The following ABCA12 variants were observed in gnomAD, a reference collection of about 807,000 sequenced individuals.
The protein encoded by ABCA12 is ATP binding cassette subfamily A member 12.
A neutral mutation model predicts 293.5 loss-of-function variants in ABCA12; 156 were observed. The observed-to-expected ratio is 0.53, with a 90% CI of 0.47 to 0.61. ABCA12 has a LOEUF of 0.61. Among genes scored for constraint, ABCA12 ranks in the 20% least tolerant of loss-of-function variants. ABCA12 has a pLI of 0.00. For missense variants in ABCA12, 2,797 were observed against 3,090.2 expected, an observed-to-expected ratio of 0.91 and a Z score of 2.25; for synonymous variants, 1,063 against 1,108.0, an observed-to-expected ratio of 0.96 and a Z score of 0.81.
chr2:215,052,720 T>C, intron 4 of ABCA12, 136 bp from the exon 5 acceptor site: 1 of 770,480 alleles, frequency 1.3e-6, no homozygotes, highest in South Asian at 1.5e-5. Flanking sequence ...GCCTCTTCCA[T>C]GGAAGTTTTA....
chr2:214,996,729 C>A (rs1268393129), intron 23 of ABCA12, among the ~76,000 whole-genome samples: 2 of 152,142 alleles, frequency 1.3e-5, no homozygotes, highest in African/African-American at 2.4e-5. Flanking sequence ...ACCCTGAAAG[C>A]CTGATGCTGA....
chr2:215,076,488 A>G (rs113930296), intron 2 of ABCA12, among the ~76,000 whole-genome samples: 5,710 of 152,286 alleles, frequency 0.037, 178 homozygotes, highest in Non-Finnish European at 0.058. Context: ...TTTTACATCT[A>G]TCAGATTGGC....
chr2:215,031,408 G>A (rs966195207), intron 9 of ABCA12, among the ~76,000 whole-genome samples: 3 of 152,176 alleles, frequency 2.0e-5, no homozygotes, highest in African/African-American at 7.2e-5. Flanking sequence ...ATGGTATTAG[G>A]AGGCTTGTTT....
chr2:214,958,061 G>A (rs1419485184), intron 41 of ABCA12, among the ~76,000 whole-genome samples: 1 of 152,074 alleles, frequency 6.6e-6, no homozygotes, highest in East Asian at 1.9e-4. Flanking sequence ...AAGTGCCCTA[G>A]AGAATCTGAT....
At chr2:214,935,127 C>T (rs987364161) in intron 51 of ABCA12, among the ~76,000 whole-genome samples, 3 of 152,150 alleles carry the variant, frequency 2.0e-5, no homozygotes, top group Admixed American at 6.6e-5. Flanking sequence ...CATTGCTTAG[C>T]GTCTCCCATT....
chr2:214,955,039 A>C lies in ABCA12; in HGVS notation c.6393+163T>G, dbSNP rs191970830. 5.6e-4 allele frequency among the ~76,000 whole-genome samples: 86 copies of C among 152,352 alleles called. 1 individual carries two copies. Among genetic ancestry groups the C allele is most frequent in the East Asian group, 1.9e-4 (1 of 5,184 alleles). On this transcript the variant is annotated intron_variant, in intron 43 of 52. Coordinates refer to ENST00000272895, the MANE Select transcript of ABCA12 (RefSeq NM_173076.3). ...CTCAATACATACAATGATAGGCATT[A>C]ACTTAGATGAGGCCCAAAAAGAATT...
intron 7 of ABCA12, among the ~76,000 whole-genome samples, chr2:215,038,540 T>G (rs967174772): frequency 1.3e-5 from 2 of 152,188 alleles, no homozygotes; most frequent in Admixed American, 1.3e-4. Context: ...TGGCTGTATT[T>G]TTCTCATCTC....
At chr2:215,116,348 G>C (rs375606218) in intron 1 of ABCA12, among the ~76,000 whole-genome samples, 1 of 151,988 alleles carries the variant, frequency 6.6e-6, no homozygotes, top group Non-Finnish European at 1.5e-5. Flanking sequence ...TTCAATACTC[G>C]ACATAGCTAA....
chr2:215,039,231 T>TA (rs1209546458), intron 7 of ABCA12, among the ~76,000 whole-genome samples: 1 of 152,080 alleles, frequency 6.6e-6, no homozygotes, highest in Non-Finnish European at 1.5e-5. Context: ...ACATACAATG[T>TA]AAAAAAATGC....
chr2:214,989,199 T>TATATATATATATATATATATATAC lies in ABCA12; in HGVS notation c.3829+129_3829+130insGTATATATATATATATATATATAT, dbSNP rs1559133277. 7 of 143,706 alleles carry TATATATATATATATATATATATAC rather than the reference T, an allele frequency of 4.9e-5. 1 individual carries two copies. Among genetic ancestry groups the TATATATATATATATATATATATAC allele is most frequent in the African/African-American group, 1.6e-4 (6 of 37,008 alleles). The allele number at this position is 143,706 out of a possible 1,614,324, so 8.9% of individuals were successfully genotyped here. On this transcript the variant is annotated intron_variant, in intron 26 of 52. Transcript: ENST00000272895. ...ATCTCAATACATACATATATATATA[T>TATATATATATATATATATATATAC]ATATATATATAATATTTTTATTTTT... is the stretch of plus-strand genomic sequence containing the variant.
At chr2:215,082,043 C>CTTTTTTTT (rs549072917) in intron 2 of ABCA12, among the ~76,000 whole-genome samples, 3 of 113,154 alleles carry the variant, frequency 2.7e-5, no homozygotes, top group Non-Finnish European at 3.4e-5. Flanking sequence ...ATTGTTAATT[C>CTTTTTTTT]TTTTTTTTTT....
At chr2:215,015,947 A>G (rs552162551) in intron 14 of ABCA12, among the ~76,000 whole-genome samples, 160 of 151,800 alleles carry the variant, frequency 1.1e-3, no homozygotes, top group Non-Finnish European at 2.0e-3. Flanking sequence ...GTTCGAGACC[A>G]GCCTGGCCAA....
rs781268223 is a variant in ABCA12, at chr2:214,978,814, G to A, written c.4967C>T (p.Thr1656Ile). ...AATATTGAGGTATACCTCCTCCACG[G>A]TGGTATCTGAAATGCCGTAGCACCC... ...NIGCYGISDT[T>I]VEEVFLNLTK... The change falls in exon 32 of 53, where the codon ACC becomes ATC. Residue 1656 changes from threonine to isoleucine, a missense_variant. Thr to Ile is a moderately conservative substitution (Grantham distance 89). Around this residue, in one of 3 missense-constraint regions of ABCA12, gnomAD observed 2,130 missense variants for 2,427.0 expected, o/e 0.88. Coordinates refer to ENST00000272895, the MANE Select transcript of ABCA12 (RefSeq NM_173076.3). 17 of 1,613,814 alleles carry A rather than the reference G, an allele frequency of 1.1e-5. No individual in the cohort carries two copies. Among genetic ancestry groups the A allele is most frequent in the South Asian group, 6.6e-5 (6 of 91,076 alleles).
chr2:215,129,339 T>C (rs189492400), intron 1 of ABCA12, among the ~76,000 whole-genome samples: 94 of 152,338 alleles, frequency 6.2e-4, no homozygotes, highest in African/African-American at 2.0e-3. Flanking sequence ...CTCCAGGTCA[T>C]GTCCCTGGTG....
At chr2:215,108,840 C>T (rs527854650) in intron 2 of ABCA12, among the ~76,000 whole-genome samples, 2 of 151,956 alleles carry the variant, frequency 1.3e-5, no homozygotes, top group African/African-American at 4.8e-5. Flanking sequence ...GAGGCCGAGG[C>T]GGTGGATCAC....
At chr2:215,035,263 C>T (rs1173527909) in intron 8 of ABCA12, among the ~76,000 whole-genome samples, 1 of 152,216 alleles carries the variant, frequency 6.6e-6, no homozygotes, top group Non-Finnish European at 1.5e-5. Flanking sequence ...GATGAACTCA[C>T]AGTGCAGGAA....
chr2:215,022,945 A>T (rs1053350896), intron 11 of ABCA12: 2 of 152,208 alleles, frequency 1.3e-5, no homozygotes, highest in Non-Finnish European at 2.9e-5. Context: ...TTCCCATCAA[A>T]GCAACTGGAA....
At chr2:215,109,421 C>A (rs543379332) in intron 2 of ABCA12, among the ~76,000 whole-genome samples, 1 of 152,232 alleles carries the variant, frequency 6.6e-6, no homozygotes, top group East Asian at 1.9e-4. Flanking sequence ...CTTGTAATAA[C>A]AAACCAAAAA....
Position 214,958,317 on chromosome 2 carries a change from C to A in ABCA12, c.6077G>T (p.Gly2026Val), listed in dbSNP as rs754679815. 3 of 1,614,002 alleles carry A rather than the reference C, an allele frequency of 1.9e-6. No individual in the cohort carries two copies. The highest frequency in any genetic ancestry group is 2.2e-5 in the South Asian group (2 of 91,084). The change falls in exon 41 of 53, where the codon GGC becomes GTC. Residue 2026 changes from glycine to valine, a missense_variant. Coordinates refer to ENST00000272895, the MANE Select transcript of ABCA12 (RefSeq NM_173076.3). ...AKQLQHISGI[G>V]VTCYWVTNFI... ...GTTTGTTACCCAGTAGCATGTCACG[C>A]CAATGCCTGAAATGTGCTGCAACTG...
Sources: allele counts gnomAD v4.1 joint callset (sites outside exome capture counted in the v4.1 genomes callset), GRCh38; gene constraint gnomAD v4.1.1; regional missense constraint gnomAD v4.1.1; transcripts MANE v1.5; gene names NCBI Gene and HGNC (gene_info 2026-07-23, HGNC 2026-07-21).